ACMSD: variants seen among roughly 807,000 people sequenced by gnomAD.
ACMSD encodes aminocarboxymuconate semialdehyde decarboxylase, also known as 2-amino-3-carboxymuconate-6-semialdehyde decarboxylase.
Under a neutral mutation model 45.9 loss-of-function variants are expected in ACMSD, and 37 were observed. That is an observed-to-expected ratio of 0.81 (90% CI 0.62 to 1.06). ACMSD has a LOEUF of 1.06. Ranked by LOEUF, ACMSD falls within the 50% of genes least tolerant of loss-of-function variation. The pLI is 0.00. For synonymous variants in ACMSD, 138 were observed against 148.8 expected (o/e 0.93, Z 0.53); for missense variants, 434 against 420.9 (o/e 1.03, Z -0.27).
At chr2:134,889,067 A>G (rs1326410962) in intron 8 of ACMSD, among the ~76,000 whole-genome samples, 1 of 152,206 alleles carries the variant, frequency 6.6e-6, no homozygotes, top group African/African-American at 2.4e-5. Flanking sequence ...TGGGTTAACA[A>G]TTCTGAAAAT....
At chr2:134,899,559 T>C (rs1157903004) in intron 9 of ACMSD, among the ~76,000 whole-genome samples, 1 of 152,104 alleles carries the variant, frequency 6.6e-6, no homozygotes, top group Non-Finnish European at 1.5e-5. Context: ...ATGACCCACA[T>C]ATCCTGATTA....
At chr2:134,871,184 T>G in intron 7 of ACMSD, 124 bp downstream of exon 7, 1 of 869,540 alleles carries the variant, frequency 1.2e-6, no homozygotes, top group Non-Finnish European at 1.8e-6. Flanking sequence ...AAGATCAAGG[T>G]GCTGGCAGGG....
chr2:134,882,097 G>A (rs899342382), intron 8 of ACMSD, among the ~76,000 whole-genome samples: 1 of 152,126 alleles, frequency 6.6e-6, no homozygotes, highest in Non-Finnish European at 1.5e-5. Context: ...CAGCCTGAGA[G>A]GTACAGTGAG....
chr2:134,845,699 T>C (rs374981911), intron 2 of ACMSD, among the ~76,000 whole-genome samples: 2 of 151,788 alleles, frequency 1.3e-5, no homozygotes, highest in East Asian at 3.9e-4. Context: ...GCTGGAAAAA[T>C]TGAACACTGG....
At chr2:134,860,873 A>AAAAT (rs1342364630) in intron 3 of ACMSD, among the ~76,000 whole-genome samples, 3 of 150,344 alleles carry the variant, frequency 2.0e-5, no homozygotes, top group African/African-American at 7.3e-5. Flanking sequence ...AAAAAAAAAA[A>AAAAT]AAAAAAATTA....
Position 134,867,598 on chromosome 2 carries a change from G to A in ACMSD, c.506G>A (p.Cys169Tyr), listed in dbSNP as rs199939588. 1.2e-6 allele frequency: 2 copies of A among 1,613,968 alleles called. No homozygotes were observed. Among genetic ancestry groups the A allele is most frequent in the Non-Finnish European group, 1.7e-6 (2 of 1,179,912 alleles). ...PVYAAAERLK[C>Y]SLFVHPWDMQ... ...TTGAAGGCAGCCGAAAGGCTGAAGT[G>A]TTCCCTGTTCGTGCATCCCTGGGAC... Residue 169 changes from cysteine (C) to tyrosine (Y), a missense_variant, in exon 6 of 10, where the codon TGT becomes TAT. Physicochemically the swap from Cys to Tyr is radical, Grantham distance 194. Coordinates refer to ENST00000356140, the MANE Select transcript of ACMSD (RefSeq NM_138326.3).
At chr2:134,893,408 G>A (rs999461861) in intron 8 of ACMSD, among the ~76,000 whole-genome samples, 5 of 151,886 alleles carry the variant, frequency 3.3e-5, no homozygotes, top group African/African-American at 1.2e-4. Context: ...GGCTGGTCTT[G>A]AACTCCTGAG....
intron 2 of ACMSD, among the ~76,000 whole-genome samples, chr2:134,848,910 CT>C (rs1230114755): frequency 4.6e-5 from 7 of 152,182 alleles, no homozygotes; most frequent in Non-Finnish European, 8.8e-5. Context: ...GCAGCCCATC[CT>C]CACCTTCTTG....
At position 134,863,685 on chromosome 2, in the gene ACMSD, G is replaced by A. The variant is rs991582234; in HGVS notation, c.486+54G>A. The A allele has an allele frequency of 8.3e-5, 131 of 1,577,148 alleles. 1 individual carries two copies. The highest frequency in any genetic ancestry group is 1.0e-4 in the South Asian group (9 of 89,796). ...CAGCCGCCCAGTGCCTGGGCCGGGG[G>A]CACCGCTGGGTGCTGGCAGGGAGGA... is the stretch of plus-strand genomic sequence containing the variant. On this transcript the variant is annotated intron_variant, in intron 5 of 9. Transcript: ENST00000356140.
At chr2:134,845,509 G>GTCTCTCTC (rs59782657) in intron 2 of ACMSD, among the ~76,000 whole-genome samples, 3,959 of 94,318 alleles carry the variant, frequency 0.042, 145 homozygotes, top group Middle Eastern at 0.056. Context: ...ACATTAAAAG[G>GTCTCTCTC]TCTCTCTCTC....
At chr2:134,855,721 G>T (rs896415421) in intron 2 of ACMSD, among the ~76,000 whole-genome samples, 2 of 152,222 alleles carry the variant, frequency 1.3e-5, no homozygotes, top group Non-Finnish European at 2.9e-5. Flanking sequence ...CCATCCCTGA[G>T]AAATAAAATG....
intron 8 of ACMSD, among the ~76,000 whole-genome samples, chr2:134,875,280 C>T (rs1688675978): frequency 6.6e-6 from 1 of 152,120 alleles, no homozygotes; most frequent in South Asian, 2.1e-4. Flanking sequence ...GCATGAGTCA[C>T]CATAACTGAC....
Position 134,898,393 on chromosome 2 carries a change from C to G in ACMSD, c.902C>G (p.Pro301Arg). The change falls in exon 9 of 10, where the codon CCT becomes CGT. Residue 301 changes from proline to arginine, a missense_variant. Coordinates refer to ENST00000356140, the MANE Select transcript of ACMSD (RefSeq NM_138326.3). The part of the protein sequence containing the change: ...DYPFPLGELE[P>R]GKLIESMEEF... ...CCCTTTCCACTAGGTGAGCTGGAAC[C>G]TGGGAAACTAATAGAGTCCATGGAA... 1.2e-6 allele frequency: 2 copies of G among 1,602,052 alleles called. No homozygotes were observed. The highest frequency in any genetic ancestry group is 1.7e-6 in the Non-Finnish European group (2 of 1,174,840).
intron 2 of ACMSD, among the ~76,000 whole-genome samples, chr2:134,847,395 T>TATATATAG (rs751345211): frequency 7.0e-6 from 1 of 143,132 alleles, no homozygotes; most frequent in Non-Finnish European, 1.6e-5. Flanking sequence ...TTTTTGGGGA[T>TATATATAG]ACAGATAGAT....
intron 5 of ACMSD, among the ~76,000 whole-genome samples, chr2:134,866,295 AAAATTT>A (rs1688093164): frequency 6.6e-6 from 1 of 152,206 alleles, no homozygotes; most frequent in South Asian, 2.1e-4. Context: ...ATAAAAAGGA[AAAATTT>A]TAAAAAGAAA....
chr2:134,856,847 G>C (rs1240266930), intron 2 of ACMSD, among the ~76,000 whole-genome samples: 3 of 151,442 alleles, frequency 2.0e-5, no homozygotes. Context: ...GCTTTGTTCT[G>C]TTTGCTCCAA....
intron 2 of ACMSD, among the ~76,000 whole-genome samples, chr2:134,845,795 C>T (rs1407348511): frequency 2.6e-5 from 4 of 152,132 alleles, no homozygotes; most frequent in Non-Finnish European, 5.9e-5. Flanking sequence ...GCAAAGCCCT[C>T]TAGAAATAAC....
intron 3 of ACMSD, among the ~76,000 whole-genome samples, chr2:134,861,698 A>G (rs1687856595): frequency 1.3e-5 from 2 of 152,232 alleles, no homozygotes; most frequent in Admixed American, 6.5e-5. Context: ...CTTAAATAAA[A>G]TTTCACAGGA....
intron 3 of ACMSD, among the ~76,000 whole-genome samples, 176 bp from the exon 4 acceptor site, chr2:134,861,793 C>T (rs1216416049): frequency 6.6e-6 from 1 of 151,818 alleles, no homozygotes; most frequent in Non-Finnish European, 1.5e-5. Flanking sequence ...TACTTACTTC[C>T]CTAGAATCTG....
Sources: gnomAD v4.1 joint callset for allele counts (sites outside exome capture counted in the v4.1 genomes callset) on GRCh38, gnomAD v4.1.1 for gene constraint, MANE v1.5 for transcripts, NCBI Gene and HGNC (gene_info 2026-07-23, HGNC 2026-07-21) for gene names.